The following CCNB1 variants were observed in gnomAD, a reference collection of about 807,000 sequenced individuals.
The protein encoded by CCNB1 is G2/mitotic-specific cyclin-B1.
CCNB1 carries 26 observed loss-of-function variants against 44.4 expected under a neutral mutation model. The ratio of observed to expected loss-of-function variants is 0.59; its 90% CI spans 0.43 to 0.81. The LOEUF is 0.81. Among genes scored for constraint, CCNB1 ranks in the 40% least tolerant of loss-of-function variants. The pLI, the probability that CCNB1 is intolerant of heterozygous loss-of-function variation, is 0.00. For missense variants in CCNB1, 477 were observed against 520.9 expected, an observed-to-expected ratio of 0.92 and a Z score of 0.82; for synonymous variants, 195 against 181.4, an observed-to-expected ratio of 1.08 and a Z score of -0.60.
intron 4 of CCNB1, among the ~76,000 whole-genome samples, chr5:69,171,699 C>G (rs924257399): frequency 3.5e-4 from 53 of 152,138 alleles, no homozygotes; most frequent in Non-Finnish European, 5.9e-5. Flanking sequence ...AAAGGAAAAT[C>G]CACAGATTGA....
In CCNB1 at chr5:69,175,445, A is replaced by C; in HGVS notation, c.991A>C (p.Met331Leu). Residue 331 changes from methionine (M) to leucine (L), a missense_variant, in exon 7 of 9, where the codon ATG (methionine) becomes CTG (leucine). Coordinates refer to ENST00000256442, the MANE Select transcript of CCNB1 (RefSeq NM_031966.4). ...GGCCAAATACCTGATGGAACTAACT[A>C]TGTTGGACTATGACATGGTGCACTT... ...TLAKYLMELT[M>L]LDYDMVHFPP... 6.2e-7 allele frequency: 1 copy of C among 1,614,036 alleles called. No individual in the cohort carries two copies. Among genetic ancestry groups the C allele is most frequent in the Non-Finnish European group, 8.5e-7 (1 of 1,179,870 alleles).
At chr5:69,170,138 ATTATTTTT>A (rs1346196278) in intron 3 of CCNB1, among the ~76,000 whole-genome samples, 206 of 150,204 alleles carry the variant, frequency 1.4e-3, no homozygotes, top group African/African-American at 4.8e-3. Flanking sequence ...TAATTTTTTT[ATTATTTTT>A]TTATTTTTTT....
At chr5:69,168,402 G>T in intron 3 of CCNB1, 59 bp downstream of exon 3, 1 of 1,589,986 alleles carries the variant, frequency 6.3e-7, no homozygotes, top group Non-Finnish European at 8.6e-7. Flanking sequence ...TTATTTCACT[G>T]ATACATGCAA....
rs544494618 is a variant in CCNB1 at position 69,174,303 on chromosome 5, A to G, written c.599A>G (p.Asn200Ser). Residue 200 changes from asparagine (N) to serine (S), a missense_variant, in exon 5 of 9, where the codon AAC becomes AGC. Physicochemically the swap from Asn to Ser is conservative, Grantham distance 46. Coordinates refer to ENST00000256442, the MANE Select transcript of CCNB1 (RefSeq NM_031966.4). ...CTACTGGGTCGGGAAGTCACTGGAA[A>G]CATGAGAGCCATCCTAATTGACTGG... is the stretch of plus-strand genomic sequence containing the variant. ...KYLLGREVTG[N>S]MRAILIDWLV... 2 of 1,614,146 alleles carry G rather than the reference A, an allele frequency of 1.2e-6. No individual in the cohort carries two copies. The highest frequency in any genetic ancestry group is 2.2e-5 in the East Asian group (1 of 44,884).
intron 3 of CCNB1, 140 bp downstream of exon 3, chr5:69,168,483 A>G: frequency 1.1e-6 from 1 of 915,268 alleles, no homozygotes; most frequent in South Asian, 1.6e-5. Context: ...TCTGCCTAAC[A>G]TTTTACATGC....
rs1362155112 is a variant in CCNB1 at position 69,168,300 on chromosome 5, C to T, written c.320C>T (p.Pro107Leu). Residue 107 changes from proline to leucine, a missense_variant, in exon 3 of 9, where the codon CCT becomes CTT. Pro to Leu is a moderately conservative substitution (Grantham distance 98). Transcript: ENST00000256442. Reference protein sequence around the residue: ...PVPEPEPEPEPEPVKEEKLSP... With the variant: ...PVPEPEPEPELEPVKEEKLSP... ...CCAGAGCCAGAACCTGAGCCAGAAC[C>T]TGAGCCTGTTAAAGAAGAAAAACTT... 4 of 1,613,990 alleles carry T rather than the reference C, an allele frequency of 2.5e-6. No individual in the cohort carries two copies. In the African/African-American group the frequency reaches 4.0e-5, roughly 16 times the overall value.
chr5:69,176,739 G>T (rs1007220231), intron 7 of CCNB1, among the ~76,000 whole-genome samples: 1 of 151,732 alleles, frequency 6.6e-6, no homozygotes, highest in African/African-American at 2.4e-5. Flanking sequence ...CCAGCACTTT[G>T]GGAGGCAGAG....
At position 69,177,259 on chromosome 5, in the gene CCNB1, C is replaced by A; in HGVS notation, c.1104C>A (p.Tyr368Ter). ...NGEWTPTLQH[Y>*]LSYTEESLLP... ...CTTAGACACCAACTCTACAACATTACCTGTCATATACTGAAGAATCTCTTC... is the reference window on the plus strand; with the variant it reads ...CTTAGACACCAACTCTACAACATTAACTGTCATATACTGAAGAATCTCTTC... The change falls in exon 8 of 9, where the codon TAC (tyrosine) becomes TAA (stop). Residue 368 changes from tyrosine (Y) to a stop codon, truncating the protein, a stop_gained. Coordinates refer to ENST00000256442, the MANE Select transcript of CCNB1 (RefSeq NM_031966.4). LOFTEE classifies it high-confidence loss of function. 6.2e-7 allele frequency: 1 copy of A among 1,605,280 alleles called. No homozygotes were observed. Among genetic ancestry groups the A allele is most frequent in the Non-Finnish European group, 8.5e-7 (1 of 1,172,704 alleles).
At chr5:69,168,941 G>C (rs1473576970) in intron 3 of CCNB1, among the ~76,000 whole-genome samples, 1 of 152,194 alleles carries the variant, frequency 6.6e-6, no homozygotes, top group Non-Finnish European at 1.5e-5. Context: ...GTATGTAAAT[G>C]TATTCTATGA....
In CCNB1 at chr5:69,168,208, T is replaced by TA. The variant is rs1747380770; in HGVS notation, c.234dup (p.Leu79ThrfsTer6). Reference sequence around the variant, plus strand: ...CTTCAGCTACTGGAAAAGTCATTGATAAAAAACTACCAAAACCTCTTGAAA... The same window carrying TA: ...CTTCAGCTACTGGAAAAGTCATTGATAAAAAAACTACCAAAACCTCTTGAAA... On this transcript the variant is annotated frameshift_variant, in exon 3 of 9. Coordinates refer to ENST00000256442, the MANE Select transcript of CCNB1 (RefSeq NM_031966.4). LOFTEE classifies it high-confidence loss of function. 1 of 1,614,180 alleles carries TA rather than the reference T, an allele frequency of 6.2e-7. No homozygotes were observed. Among genetic ancestry groups the TA allele is most frequent in the Non-Finnish European group, 8.5e-7 (1 of 1,180,028 alleles).
intron 6 of CCNB1, 68 bp from the exon 7 acceptor site, chr5:69,175,329 T>C (rs1432641562): frequency 2.1e-6 from 3 of 1,446,574 alleles, no homozygotes; most frequent in Non-Finnish European, 1.9e-6. Context: ...AAGATACATA[T>C]GGGCATGCAG....
rs984129710 is a variant in CCNB1 at position 69,174,987 on chromosome 5, G to A, written c.816G>A (p.Val272=). 6.2e-7 allele frequency: 1 copy of A among 1,614,134 alleles called. No homozygotes were observed. ...YPPEIGDFAF[V]TDNTYTKHQI... ...CAGAAATTGGTGACTTTGCTTTTGT[G>A]ACTGACAACACTTATACTAAGCACC... is the stretch of plus-strand genomic sequence containing the variant. Residue 272 remains valine (V), a synonymous_variant, in exon 6 of 9, where the codon GTG becomes GTA. Coordinates refer to ENST00000256442, the MANE Select transcript of CCNB1 (RefSeq NM_031966.4).
At chr5:69,175,180 C>G in intron 6 of CCNB1, 67 bp downstream of exon 6, 1 of 1,245,712 alleles carries the variant, frequency 8.0e-7, no homozygotes, top group African/African-American at 1.5e-5. Context: ...TGACCAAGCA[C>G]GTTGAATTCA....
chr5:69,168,046 GAA>G lies in CCNB1; in HGVS notation c.161_162del (p.Glu54AlafsTer22). 6.2e-7 allele frequency: 1 copy of G among 1,614,044 alleles called. No homozygotes were observed. The highest frequency in any genetic ancestry group is 8.5e-7 in the Non-Finnish European group (1 of 1,180,006). On this transcript the variant is annotated frameshift_variant, in exon 2 of 9. Coordinates refer to ENST00000256442, the MANE Select transcript of CCNB1 (RefSeq NM_031966.4). LOFTEE classifies it high-confidence loss of function. ...TGGGGACATTGGTAACAAAGTCAGT[GAA>G]CAACTGCAGGCCAAAATGCCTATGA... The part of the protein sequence containing the change: ...ALGDIGNKVS[E>X]QLQAKMPMKK...
chr5:69,177,740 A>G lies in CCNB1; in HGVS notation c.*109A>G. The G allele has an allele frequency of 1.5e-6, 1 of 670,322 alleles. No individual in the cohort carries two copies. The highest frequency in any genetic ancestry group is 2.6e-6 in the Non-Finnish European group (1 of 384,178). The allele number at this position is 670,322 out of a possible 1,614,324, so 41.5% of individuals were successfully genotyped here. A position where few individuals can be genotyped will look rare whatever the true frequency, so the allele number is the denominator to read the frequency against. On this transcript the variant is annotated 3_prime_UTR_variant, in exon 9 of 9. Coordinates refer to ENST00000256442, the MANE Select transcript of CCNB1 (RefSeq NM_031966.4). ...TTTAATAAAGCTTGTGGCCCCTTTT[A>G]CTTTTTTATAGCTTAACTAATTTGA...
chr5:69,167,760 A>G, intron 1 of CCNB1, 148 bp from the exon 2 acceptor site: 1 of 660,406 alleles, frequency 1.5e-6, no homozygotes, highest in Non-Finnish European at 2.5e-6. Flanking sequence ...ACGGCCGCAG[A>G]GTAGACTCTG....
intron 7 of CCNB1, 95 bp from the exon 8 acceptor site, chr5:69,177,144 A>G (rs752532481): frequency 1.9e-5 from 13 of 677,312 alleles, no homozygotes; most frequent in African/African-American, 3.6e-5. Context: ...TACAGTACCC[A>G]TCTCTTTTCC....
At chr5:69,172,769 CTTTTTTTTTT>C (rs922322066) in intron 4 of CCNB1, among the ~76,000 whole-genome samples, 1 of 96,844 alleles carries the variant, frequency 1.0e-5, no homozygotes, top group Non-Finnish European at 2.0e-5. Context: ...TGTGCTGTTT[CTTTTTTTTTT>C]TTTTTTTTTT....
intron 3 of CCNB1, among the ~76,000 whole-genome samples, chr5:69,169,075 GAAA>G (rs1747403235): frequency 6.6e-6 from 1 of 151,982 alleles, no homozygotes; most frequent in Non-Finnish European, 1.5e-5. Flanking sequence ...AAAATTATCT[GAAA>G]AAAACTTGTT....
Sources: allele counts gnomAD v4.1 joint callset (sites outside exome capture counted in the v4.1 genomes callset), GRCh38; gene constraint gnomAD v4.1.1; transcripts MANE v1.5; gene names NCBI Gene and HGNC (gene_info 2026-07-23, HGNC 2026-07-21).